Variants in SND1 observed in about 807,000 individuals in gnomAD.
SND1 encodes the protein staphylococcal nuclease and tudor domain containing 1, also known as staphylococcal nuclease domain-containing protein 1.
A neutral mutation model predicts 121.7 loss-of-function variants in SND1; 38 were observed. The observed-to-expected ratio is 0.31, with a 90% CI of 0.24 to 0.41. The LOEUF (loss-of-function observed/expected upper bound fraction) is 0.41, where lower values mean the gene tolerates loss of function less well. SND1 is among the 10% of genes least tolerant of loss of function. SND1 has a pLI of 1.00. For missense variants in SND1, 868 were observed against 1,184.6 expected (o/e 0.73, Z 3.92); for synonymous variants, 401 against 447.4 (o/e 0.90, Z 1.31).
At chr7:128,070,519 A>G (rs1793392362) in intron 16 of SND1, among the ~76,000 whole-genome samples, 1 of 152,120 alleles carries the variant, frequency 6.6e-6, no homozygotes, top group African/African-American at 2.4e-5. Flanking sequence ...TTGAGTCCAG[A>G]GCTCTTCCTG....
intron 16 of SND1, among the ~76,000 whole-genome samples, chr7:128,065,200 T>C (rs951407062): frequency 1.3e-5 from 2 of 151,992 alleles, no homozygotes; most frequent in Non-Finnish European, 2.9e-5. Flanking sequence ...GCAGAAGAGG[T>C]TGTGATCTGG....
At chr7:128,009,950 C>T (rs1241868216) in intron 16 of SND1, among the ~76,000 whole-genome samples, 1 of 152,170 alleles carries the variant, frequency 6.6e-6, no homozygotes, top group Non-Finnish European at 1.5e-5. Context: ...CAATCTAATA[C>T]CAAGTGTTTC....
chr7:128,082,017 G>A (rs560055078), intron 18 of SND1: 54 of 526,450 alleles, frequency 1.0e-4, no homozygotes, highest in Admixed American at 4.1e-4. Context: ...AACAGGCAGC[G>A]CTCTAGGGGA....
At chr7:128,082,207 C>T (rs1039193574) in intron 18 of SND1, among the ~76,000 whole-genome samples, 2 of 152,228 alleles carry the variant, frequency 1.3e-5, no homozygotes, top group East Asian at 3.9e-4. Context: ...ACCCTGACCT[C>T]CCTTTTCTCA....
At chr7:127,705,481 A>G (rs909788740) in intron 8 of SND1, among the ~76,000 whole-genome samples, 3 of 152,232 alleles carry the variant, frequency 2.0e-5, no homozygotes, top group African/African-American at 4.8e-5. Context: ...CTTGTTGGCT[A>G]TCGTTAAAGC....
intron 12 of SND1, among the ~76,000 whole-genome samples, chr7:127,847,250 C>T (rs1389602291): frequency 6.6e-6 from 1 of 152,066 alleles, no homozygotes; most frequent in Admixed American, 6.6e-5. Context: ...CCAGCCTGGG[C>T]AATAGAGTGA....
At chr7:128,023,795 T>C (rs1256851635) in intron 16 of SND1, among the ~76,000 whole-genome samples, 1 of 152,216 alleles carries the variant, frequency 6.6e-6, no homozygotes, top group Non-Finnish European at 1.5e-5. Context: ...GTGTGTATTG[T>C]CAAATAACTG....
At chr7:127,886,402 C>T (rs896274188) in intron 12 of SND1, among the ~76,000 whole-genome samples, 39 of 151,940 alleles carry the variant, frequency 2.6e-4, no homozygotes, top group African/African-American at 8.9e-4. Flanking sequence ...CTCCCAGCAT[C>T]CCCACAGTAT....
At chr7:128,077,192 A>G (rs62483979) in intron 17 of SND1, among the ~76,000 whole-genome samples, 6 of 152,196 alleles carry the variant, frequency 3.9e-5, no homozygotes, top group Non-Finnish European at 2.9e-5. Flanking sequence ...CCACCCCTGG[A>G]GCCTTGCAAG....
intron 15 of SND1, among the ~76,000 whole-genome samples, chr7:127,957,815 C>G (rs1292517169): frequency 6.6e-6 from 1 of 152,190 alleles, no homozygotes; most frequent in African/African-American, 2.4e-5. Context: ...ATTCCCCTGC[C>G]CCAGCCTCCC....
At chr7:127,862,971 A>C (rs561072110) in intron 12 of SND1, among the ~76,000 whole-genome samples, 145 of 152,304 alleles carry the variant, frequency 9.5e-4, no homozygotes, top group South Asian at 1.7e-3. Flanking sequence ...CTTGATGTCT[A>C]TATTTTGATT....
At chr7:127,850,408 G>A (rs1411805638) in intron 12 of SND1, among the ~76,000 whole-genome samples, 1 of 152,160 alleles carries the variant, frequency 6.6e-6, no homozygotes, top group Non-Finnish European at 1.5e-5. Context: ...TACCCAGAGA[G>A]GCCCACAACA....
chr7:127,653,672 C>T (rs1795161865), intron 1 of SND1, among the ~76,000 whole-genome samples: 2 of 152,160 alleles, frequency 1.3e-5, no homozygotes, highest in South Asian at 4.1e-4. Flanking sequence ...ACCCTGTTAT[C>T]TTTCACAAGA....
chr7:128,084,785 A>G lies in SND1; in HGVS notation c.2172A>G (p.Val724=). ...ATGACATTGCCAGTCACCCCCCTGT[A>G]GAGGGCTCCTATGCCCCCCGCAGGG... is the stretch of plus-strand genomic sequence containing the variant. ...MRNDIASHPP[V]EGSYAPRRGE... is the part of the protein sequence containing the mutation. Residue 724 remains valine, a synonymous_variant, in exon 19 of 24, where the codon GTA becomes GTG. Coordinates refer to ENST00000354725, the MANE Select transcript of SND1 (RefSeq NM_014390.4). The G allele has an allele frequency of 1.2e-6, 2 of 1,610,734 alleles. No homozygotes were observed. Among genetic ancestry groups the G allele is most frequent in the Non-Finnish European group, 1.7e-6 (2 of 1,177,766 alleles).
intron 13 of SND1, among the ~76,000 whole-genome samples, chr7:127,892,089 T>C (rs1372811436): frequency 1.3e-5 from 2 of 152,110 alleles, no homozygotes; most frequent in Non-Finnish European, 2.9e-5. Flanking sequence ...CTGTTGACTT[T>C]GCTTTCCAGT....
chr7:128,082,338 TCAG>T (rs938572042), intron 18 of SND1, among the ~76,000 whole-genome samples: 25 of 152,194 alleles, frequency 1.6e-4, no homozygotes, highest in Non-Finnish European at 2.9e-5. Context: ...GCTAGAAGTG[TCAG>T]CAGCACTTGG....
At chr7:127,897,332 T>C (rs1800140894) in intron 13 of SND1, among the ~76,000 whole-genome samples, 1 of 152,192 alleles carries the variant, frequency 6.6e-6, no homozygotes, top group African/African-American at 2.4e-5. Flanking sequence ...CACAGAATTG[T>C]TGCTTTTCAC....
At position 127,796,730 on chromosome 7, in the gene SND1, C is replaced by T. The variant is rs565164437; in HGVS notation, c.1153-10754C>T. ...TAAAAGTATAGATCTGGTTTTCTCA[C>T]GGAGTTTATATTTGCCAAAATGTTC... is the stretch of plus-strand genomic sequence containing the variant. On this transcript the variant is annotated intron_variant, in intron 10 of 23. Transcript: ENST00000354725. Among the ~76,000 whole-genome samples the T allele has an allele frequency of 7.3e-4, 111 of 152,152 alleles. 1 individual carries two copies. In the South Asian group the frequency reaches 0.018, roughly 25 times the overall value.
chr7:128,047,181 C>T (rs193136400), intron 16 of SND1, among the ~76,000 whole-genome samples: 11 of 152,328 alleles, frequency 7.2e-5, no homozygotes, highest in African/African-American at 2.2e-4. Context: ...TACCAGTCAG[C>T]ATTTTCCTGA....
Sources: allele counts gnomAD v4.1 joint callset (sites outside exome capture counted in the v4.1 genomes callset), GRCh38; gene constraint gnomAD v4.1.1; transcripts MANE v1.5; gene names NCBI Gene and HGNC (gene_info 2026-07-23, HGNC 2026-07-21).